Variants in ADAM10 observed in about 807,000 individuals in gnomAD.
ADAM10 encodes disintegrin and metalloproteinase domain-containing protein 10.
A neutral mutation model predicts 90.1 loss-of-function variants in ADAM10; 17 were observed. That is an observed-to-expected ratio of 0.19 (90% CI 0.13 to 0.28). ADAM10 has a LOEUF of 0.28. Among genes scored for constraint, ADAM10 ranks in the 10% least tolerant of loss-of-function variants. The pLI is 1.00. For missense variants in ADAM10, 610 were observed against 914.3 expected, an observed-to-expected ratio of 0.67 and a Z score of 4.29; for synonymous variants, 310 against 298.6, an observed-to-expected ratio of 1.04 and a Z score of -0.40.
At chr15:58,620,539 T>C (rs1895748650) in intron 11 of ADAM10, among the ~76,000 whole-genome samples, 2 of 151,756 alleles carry the variant, frequency 1.3e-5, no homozygotes, top group Non-Finnish European at 2.9e-5. Context: ...ACAAGTGAAA[T>C]AGTTATAACT....
chr15:58,725,368 CAA>C (rs566581100), intron 1 of ADAM10, among the ~76,000 whole-genome samples: 23 of 110,810 alleles, frequency 2.1e-4, no homozygotes, highest in Middle Eastern at 4.9e-3. Context: ...TTGTCTCTAC[CAA>C]AAAAAAAAAA....
chr15:58,667,734 G>A (rs1432731769), intron 4 of ADAM10, among the ~76,000 whole-genome samples: 1 of 151,828 alleles, frequency 6.6e-6, no homozygotes, highest in Non-Finnish European at 1.5e-5. Flanking sequence ...AGGATTCACT[G>A]ATGGAGAGTA....
chr15:58,699,127 G>A (rs1272176108), intron 2 of ADAM10, among the ~76,000 whole-genome samples: 2 of 152,160 alleles, frequency 1.3e-5, no homozygotes. Flanking sequence ...CAGGCCAGGA[G>A]AAAATGGGAT....
intron 4 of ADAM10, among the ~76,000 whole-genome samples, chr15:58,671,965 A>G (rs985715965): frequency 6.6e-6 from 1 of 152,174 alleles, no homozygotes; most frequent in Non-Finnish European, 1.5e-5. Flanking sequence ...CACAAGTTTT[A>G]TAACTCTAGA....
At chr15:58,746,868 A>T (rs956143286) in intron 1 of ADAM10, among the ~76,000 whole-genome samples, 1 of 152,252 alleles carries the variant, frequency 6.6e-6, no homozygotes, top group Non-Finnish European at 1.5e-5. Flanking sequence ...AGACAAAATT[A>T]GTCTGTCTCT....
At chr15:58,749,361 C>T in intron 1 of ADAM10, 119 bp downstream of exon 1, 2 of 1,191,136 alleles carry the variant, frequency 1.7e-6, no homozygotes, top group Non-Finnish European at 2.1e-6. Flanking sequence ...GCCAGAGTGG[C>T]GCCGCTGGCC....
chr15:58,729,203 A>T (rs1595662818), intron 1 of ADAM10, among the ~76,000 whole-genome samples: 1 of 152,178 alleles, frequency 6.6e-6, no homozygotes, highest in African/African-American at 2.4e-5. Flanking sequence ...ATTTTTTAAA[A>T]AAAAGAAAGA....
chr15:58,650,907 A>G (rs912896079), intron 5 of ADAM10, among the ~76,000 whole-genome samples: 56 of 152,120 alleles, frequency 3.7e-4, no homozygotes, highest in African/African-American at 1.3e-3. Context: ...AATTTTATAC[A>G]AAGTTTATAA....
rs960851653 is a variant in ADAM10 at position 58,621,122 on chromosome 15, G to A, written c.1511+349C>T. 2.0e-5 allele frequency among the ~76,000 whole-genome samples: 3 copies of A among 151,630 alleles called. No individual in the cohort carries two copies. The East Asian group carries it at 5.8e-4, about 29-fold the overall frequency. On this transcript the variant is annotated intron_variant, in intron 11 of 15. Coordinates refer to ENST00000260408, the MANE Select transcript of ADAM10 (RefSeq NM_001110.4). ...AAAAAAAAATACAAAAATTAGCTGG[G>A]TGTGGTAGCACATGCCTATAGTCCC...
At chr15:58,604,854 C>A (rs746712526) in intron 14 of ADAM10, among the ~76,000 whole-genome samples, 20 of 152,268 alleles carry the variant, frequency 1.3e-4, no homozygotes, top group Admixed American at 2.6e-4. Flanking sequence ...CTGTGGTGAT[C>A]CTCCTGAGTA....
Position 58,745,921 on chromosome 15 carries a change from G to A in ADAM10, c.55+3559C>T, listed in dbSNP as rs140175799. Among the ~76,000 whole-genome samples the A allele has an allele frequency of 1.7e-3, 265 of 152,274 alleles. 2 individuals carry two copies. Among genetic ancestry groups the A allele is most frequent in the African/African-American group, 5.3e-3 (221 of 41,552 alleles). ...CTTCCCCGAAAATCCAGAAATCCAT[G>A]AATTTCACTGAGAAATATCCCAATT... On this transcript the variant is annotated intron_variant, in intron 1 of 15. Transcript: ENST00000260408.
intron 2 of ADAM10, among the ~76,000 whole-genome samples, chr15:58,717,210 T>C (rs1218441968): frequency 1.3e-5 from 2 of 152,186 alleles, no homozygotes; most frequent in African/African-American, 2.4e-5. Flanking sequence ...AAATGATGTA[T>C]TCAATGGCAT....
At chr15:58,669,748 T>C (rs207475531) in intron 4 of ADAM10, among the ~76,000 whole-genome samples, 1 of 152,166 alleles carries the variant, frequency 6.6e-6, no homozygotes, top group African/African-American at 2.4e-5. Context: ...CAGGCAAATG[T>C]ATTAACAAAT....
At position 58,597,420 on chromosome 15, in the gene ADAM10, T is replaced by G; in HGVS notation, c.*127A>C. ...TTCCACCTGGTCTGAGGATATGATCTCTTGCCATTTTTTCTTCAACTGTTA... is the reference window on the plus strand; with the variant it reads ...TTCCACCTGGTCTGAGGATATGATCGCTTGCCATTTTTTCTTCAACTGTTA... On this transcript the variant is annotated 3_prime_UTR_variant, in exon 16 of 16. Coordinates refer to ENST00000260408, the MANE Select transcript of ADAM10 (RefSeq NM_001110.4). 6.4e-7 allele frequency: 1 copy of G among 1,561,854 alleles called. No homozygotes were observed. Among genetic ancestry groups the G allele is most frequent in the East Asian group, 2.4e-5 (1 of 42,036 alleles).
intron 2 of ADAM10, among the ~76,000 whole-genome samples, chr15:58,712,785 C>CG (rs1489635906): frequency 1.3e-4 from 20 of 152,186 alleles, no homozygotes; most frequent in African/African-American, 4.8e-4. Context: ...AAGTTCCCCC[C>CG]ACTGCACTCC....
At chr15:58,622,885 C>T (rs1397843005) in intron 10 of ADAM10, among the ~76,000 whole-genome samples, 1 of 152,192 alleles carries the variant, frequency 6.6e-6, no homozygotes, top group Non-Finnish European at 1.5e-5. Flanking sequence ...ATAAAACTAA[C>T]TTCCAAGGAG....
chr15:58,600,297 A>G (rs1460078025), intron 14 of ADAM10, among the ~76,000 whole-genome samples: 3 of 152,220 alleles, frequency 2.0e-5, no homozygotes, highest in Non-Finnish European at 4.4e-5. Context: ...CTTAGAAAGC[A>G]TGTAACTTGC....
intron 15 of ADAM10, among the ~76,000 whole-genome samples, chr15:58,598,232 T>G (rs1268628867): frequency 2.0e-5 from 3 of 152,234 alleles, no homozygotes; most frequent in African/African-American, 7.2e-5. Flanking sequence ...CAGCTAGTTT[T>G]CTAAGTTTTT....
In ADAM10 at chr15:58,646,184, A is replaced by G. The variant is rs1433628966; in HGVS notation, c.606T>C (p.Ala202=). The part of the protein sequence containing the change: ...EVTQIPQEEH[A]ANGPELLRKK... ...TCCTCAGAAGTTCTGGACCATTAGC[A>G]GCATGTTCTTCTTGAGGTATCTATA... The change falls in exon 6 of 16, where the codon GCT becomes GCC. Residue 202 remains alanine, a synonymous_variant. Coordinates refer to ENST00000260408, the MANE Select transcript of ADAM10 (RefSeq NM_001110.4). 1 of 1,613,074 alleles carries G rather than the reference A, an allele frequency of 6.2e-7. No individual in the cohort carries two copies. Among genetic ancestry groups the G allele is most frequent in the African/African-American group, 1.3e-5 (1 of 74,924 alleles).
Sources: gnomAD v4.1 joint callset for allele counts (sites outside exome capture counted in the v4.1 genomes callset) on GRCh38, gnomAD v4.1.1 for gene constraint, MANE v1.5 for transcripts, NCBI Gene and HGNC (gene_info 2026-07-23, HGNC 2026-07-21) for gene names.